The following CNTN1 variants were observed in gnomAD, a reference collection of about 807,000 sequenced individuals.
The protein encoded by CNTN1 is contactin-1.
In CNTN1, 38 loss-of-function variants were observed where a neutral mutation model predicts 126.4. The observed-to-expected ratio is 0.30, with a 90% CI of 0.23 to 0.39. The LOEUF (loss-of-function observed/expected upper bound fraction) is 0.39. CNTN1 is among the 10% of genes least tolerant of loss of function. The probability of loss-of-function intolerance (pLI) is 1.00; values close to 1 mark genes in which losing one functional copy is unlikely to be tolerated. For missense variants in CNTN1, 1,009 were observed against 1,248.4 expected (o/e 0.81, Z 2.89); for synonymous variants, 413 against 422.6 (o/e 0.98, Z 0.28).
intron 17 of CNTN1, among the ~76,000 whole-genome samples, chr12:41,007,045 G>GTTTTTTTTT (rs71078294): frequency 4.3e-5 from 3 of 69,198 alleles, no homozygotes; most frequent in Admixed American, 2.2e-4. Context: ...GTTTTGTGTG[G>GTTTTTTTTT]TTTTTTTTTT....
At chr12:41,039,532 C>T (rs113358516) in intron 23 of CNTN1, among the ~76,000 whole-genome samples, 1 of 152,104 alleles carries the variant, frequency 6.6e-6, no homozygotes, top group East Asian at 1.9e-4. Context: ...AGAAGGAGTA[C>T]TTCAAATTTT....
chr12:40,806,875 C>A (rs1940880775), intron 1 of CNTN1, among the ~76,000 whole-genome samples: 1 of 152,054 alleles, frequency 6.6e-6, no homozygotes, highest in Non-Finnish European at 1.5e-5. Context: ...ACCTTGTAGT[C>A]TGAGCTCTCT....
At chr12:40,892,286 C>A (rs1944265243) in intron 1 of CNTN1, among the ~76,000 whole-genome samples, 1 of 152,046 alleles carries the variant, frequency 6.6e-6, no homozygotes, top group Non-Finnish European at 1.5e-5. Flanking sequence ...CTCTCAGGGT[C>A]TAAAATCTGT....
chr12:40,733,556 C>T (rs1377725232), intron 1 of CNTN1, among the ~76,000 whole-genome samples: 1 of 151,870 alleles, frequency 6.6e-6, no homozygotes, highest in Non-Finnish European at 1.5e-5. Flanking sequence ...AGAAAGGCAG[C>T]AGGCTTAAAA....
At chr12:40,956,632 T>C (rs1354031115) in intron 14 of CNTN1, among the ~76,000 whole-genome samples, 1 of 151,928 alleles carries the variant, frequency 6.6e-6, no homozygotes, top group African/African-American at 2.4e-5. Context: ...AAAAAGAGAA[T>C]GTTCTGCCTG....
intron 15 of CNTN1, among the ~76,000 whole-genome samples, chr12:40,969,968 G>A (rs1947447014): frequency 1.3e-5 from 2 of 152,266 alleles, no homozygotes; most frequent in South Asian, 2.1e-4. Flanking sequence ...CCACTTCTGA[G>A]CATCTGCTTC....
chr12:40,940,091 A>G (rs897602536), intron 12 of CNTN1, among the ~76,000 whole-genome samples: 8 of 152,116 alleles, frequency 5.3e-5, no homozygotes, highest in Non-Finnish European at 7.4e-5. Flanking sequence ...TATGTATCCT[A>G]GAAGAAGTAA....
chr12:40,813,956 CT>C (rs534867889), intron 1 of CNTN1, among the ~76,000 whole-genome samples: 27 of 152,154 alleles, frequency 1.8e-4, no homozygotes, highest in African/African-American at 6.5e-4. Context: ...TGGTGTTCAG[CT>C]TTTTTTCATA....
chr12:40,917,544 G>T (rs944486293), intron 3 of CNTN1, among the ~76,000 whole-genome samples: 1 of 152,124 alleles, frequency 6.6e-6, no homozygotes, highest in Admixed American at 6.6e-5. Context: ...TTCAAGTTTA[G>T]TGTCAGAGAA....
chr12:40,919,121 A>G lies in CNTN1; in HGVS notation c.227+350A>G, dbSNP rs371769369. On this transcript the variant is annotated intron_variant, in intron 4 of 23. Transcript: ENST00000551295. ...GATTTGAGGATAAAATGTTTTTGTT[A>G]TGTACTGGCCTGCATAACTCATACC... 2.6e-5 allele frequency among the ~76,000 whole-genome samples: 4 copies of G among 152,272 alleles called. No homozygotes were observed. In the East Asian group the frequency reaches 7.7e-4, roughly 29 times the overall value.
At chr12:40,749,232 A>G (rs1240026392) in intron 1 of CNTN1, among the ~76,000 whole-genome samples, 1 of 152,130 alleles carries the variant, frequency 6.6e-6, no homozygotes, top group Non-Finnish European at 1.5e-5. Context: ...AATCATTATA[A>G]ATTAATAGTC....
chr12:40,914,363 A>T (rs542806946), intron 3 of CNTN1, among the ~76,000 whole-genome samples: 1 of 152,176 alleles, frequency 6.6e-6, no homozygotes, highest in Non-Finnish European at 1.5e-5. Context: ...AGACATGAGG[A>T]TCATATTCAA....
chr12:40,969,636 T>C (rs186455338), intron 15 of CNTN1, among the ~76,000 whole-genome samples: 7 of 152,312 alleles, frequency 4.6e-5, no homozygotes, highest in Admixed American at 2.6e-4. Flanking sequence ...ATTTTAATTG[T>C]TATTTGCTTA....
chr12:40,904,273 C>T lies in CNTN1; in HGVS notation c.-76-4084C>T, dbSNP rs545035150. On this transcript the variant is annotated intron_variant, in intron 1 of 23. Coordinates refer to ENST00000551295, the MANE Select transcript of CNTN1 (RefSeq NM_001843.4). ...GACCTCGTGATCCGTCCACCTTGGCCTCCCAAAGTGCTGGATTACAGGCGT... is the reference window on the plus strand; with the variant it reads ...GACCTCGTGATCCGTCCACCTTGGCTTCCCAAAGTGCTGGATTACAGGCGT... 3.0e-3 allele frequency among the ~76,000 whole-genome samples: 451 copies of T among 152,216 alleles called. 1 individual carries two copies. Among genetic ancestry groups the T allele is most frequent in the Non-Finnish European group, 5.1e-3 (346 of 68,006 alleles).
intron 1 of CNTN1, among the ~76,000 whole-genome samples, chr12:40,830,972 C>CAA (rs1287703005): frequency 7.1e-6 from 1 of 140,162 alleles, no homozygotes; most frequent in Non-Finnish European, 1.5e-5. Flanking sequence ...TACACACACA[C>CAA]ACACACACTA....
At chr12:41,069,122 G>A (rs1950109561) in intron 23 of CNTN1, among the ~76,000 whole-genome samples, 1 of 152,138 alleles carries the variant, frequency 6.6e-6, no homozygotes, top group South Asian at 2.1e-4. Flanking sequence ...GGCAGGACAC[G>A]GACCCATAAA....
At chr12:41,002,935 T>G (rs1391048423) in intron 17 of CNTN1, among the ~76,000 whole-genome samples, 2 of 152,124 alleles carry the variant, frequency 1.3e-5, no homozygotes, top group African/African-American at 2.4e-5. Flanking sequence ...TGTATGTCCT[T>G]TATTTCTCTT....
At chr12:40,773,223 T>C (rs897402863) in intron 1 of CNTN1, among the ~76,000 whole-genome samples, 2 of 151,784 alleles carry the variant, frequency 1.3e-5, no homozygotes, top group Non-Finnish European at 3.0e-5. Flanking sequence ...TCCATATTTG[T>C]TTTATGAGAC....
At chr12:40,749,668 GGCAACCA>G (rs1938323874) in intron 1 of CNTN1, among the ~76,000 whole-genome samples, 1 of 134,464 alleles carries the variant, frequency 7.4e-6, no homozygotes, top group African/African-American at 2.7e-5. Context: ...AAACCACTCA[GGCAACCA>G]GCTTATTTAT....
Sources: allele counts gnomAD v4.1 joint callset (sites outside exome capture counted in the v4.1 genomes callset), GRCh38; gene constraint gnomAD v4.1.1; transcripts MANE v1.5; gene names NCBI Gene and HGNC (gene_info 2026-07-23, HGNC 2026-07-21).